Variants in TYW3 observed in about 807,000 individuals in gnomAD.
TYW3 encodes the protein tRNA wybutosine-synthesizing protein 3 homolog.
Under a neutral mutation model 23.1 loss-of-function variants are expected in TYW3, and 26 were observed. That is an observed-to-expected ratio of 1.13 (90% CI 0.83 to 1.56). The LOEUF (loss-of-function observed/expected upper bound fraction) is 1.56, where lower values mean the gene tolerates loss of function less well. Among genes scored for constraint, TYW3 ranks in the 40% most tolerant of loss-of-function variants. TYW3 has a pLI of 0.00. For synonymous variants in TYW3, 102 were observed against 105.7 expected (o/e 0.97, Z 0.21); for missense variants, 316 against 311.9 (o/e 1.01, Z -0.10).
At chr1:74,740,640 CGTTT>C (rs1484407144) in intron 3 of TYW3, among the ~76,000 whole-genome samples, 1 of 152,118 alleles carries the variant, frequency 6.6e-6, no homozygotes. Context: ...CTGATTGGTG[CGTTT>C]ACAATCCTTT....
rs573044759 is a variant in TYW3 at position 74,759,374 on chromosome 1, CT to C, written c.561-4505del. On this transcript the variant is annotated intron_variant, in intron 5 of 5. Transcript: ENST00000370867. ...CATTTTTCTTTCTTTCTTTTCTTTT[CT>C]TTTTTTTTTTTTTTGGTAGAGATGA... Among the ~76,000 whole-genome samples the C allele has an allele frequency of 4.4e-3, 588 of 135,044 alleles. 1 individual carries two copies. The highest frequency in any genetic ancestry group is 7.9e-3 in the African/African-American group (293 of 37,044). 88.6% of individuals were successfully genotyped at this position (135,044 alleles called of 152,430 possible).
intron 1 of TYW3, chr1:74,734,330 G>A (rs1648052881): frequency 6.6e-6 from 1 of 152,034 alleles, no homozygotes; most frequent in South Asian, 2.1e-4. Context: ...TAGCCTTCTG[G>A]GTTATCAGAT....
At position 74,733,417 on chromosome 1, in the gene TYW3, G is replaced by C. The variant is rs1570043099; in HGVS notation, c.173G>C (p.Arg58Pro). The C allele has an allele frequency of 5.0e-6, 8 of 1,614,080 alleles. No individual in the cohort carries two copies. Among genetic ancestry groups the C allele is most frequent in the Admixed American group, 1.7e-5 (1 of 60,018 alleles). ...GCTGGCCGCATCCTACTCCTTGACC[G>C]GGTGAGGCCCCTTTGCGCCTGTCCA... Reference protein sequence around the residue: ...SCAGRILLLDRGINGFEVQKQ... With the variant: ...SCAGRILLLDPGINGFEVQKQ... Residue 58 changes from arginine (R) to proline (P), a missense_variant and splice_region_variant, in exon 1 of 6, where the codon CGG becomes CCG. Arg to Pro is a moderately radical substitution (Grantham distance 103). Transcript: ENST00000370867.
intron 3 of TYW3, among the ~76,000 whole-genome samples, chr1:74,744,994 G>A (rs1454878112): frequency 4.6e-5 from 7 of 152,158 alleles, no homozygotes; most frequent in Non-Finnish European, 7.4e-5. Flanking sequence ...GCTCTTAAAG[G>A]TGGCGCGTCC....
Position 74,748,780 on chromosome 1 carries a change from G to C in TYW3, c.384G>C (p.Arg128Ser). The part of the protein sequence containing the change: ...LHSMAIDSGF[R>S]NSGITVGKRG... ...CCATGGCAATAGATTCTGGTTTCAG[G>C]AACTCTGGCATAACGGTGGGAAAGA... Residue 128 changes from arginine to serine, a missense_variant, in exon 4 of 6, where the codon AGG (arginine) becomes AGC (serine). Physicochemically the swap from Arg to Ser is moderately radical, Grantham distance 110 (BLOSUM62 -1). Transcript: ENST00000370867. 1.2e-6 allele frequency: 2 copies of C among 1,614,082 alleles called. No individual in the cohort carries two copies. The highest frequency in any genetic ancestry group is 2.2e-5 in the South Asian group (2 of 91,080).
Position 74,738,758 on chromosome 1 carries a change from G to A in TYW3, c.324G>A (p.Gln108=). 2.5e-6 allele frequency: 4 copies of A among 1,611,464 alleles called. No homozygotes were observed. Among genetic ancestry groups the A allele is most frequent in the Non-Finnish European group, 3.4e-6 (4 of 1,177,974 alleles). ...TTGAACCATTTGTTCTTCATGTGCA[G>A]TGTCGACAATTGCAGGATGCACAGA... ...LKFEPFVLHV[Q]CRQLQDAQIL... Residue 108 remains glutamine (Q), a synonymous_variant, in exon 3 of 6, where the codon CAG becomes CAA. Transcript: ENST00000370867.
At chr1:74,739,218 T>A in intron 3 of TYW3, among the ~76,000 whole-genome samples, 1 of 152,296 alleles carries the variant, frequency 6.6e-6, no homozygotes, top group East Asian at 1.9e-4. Context: ...TATTTATATA[T>A]AAAACTGAAT....
intron 5 of TYW3, among the ~76,000 whole-genome samples, chr1:74,760,937 A>G (rs944667878): frequency 1.3e-5 from 2 of 152,238 alleles, no homozygotes; most frequent in Non-Finnish European, 2.9e-5. Flanking sequence ...GCTTGGCCTG[A>G]AAACTTATGA....
chr1:74,742,072 A>G (rs4650287), intron 3 of TYW3, among the ~76,000 whole-genome samples: 31,045 of 152,172 alleles, frequency 0.2, 4,427 homozygotes, highest in East Asian at 0.71. Context: ...TTGCAGGGGA[A>G]AGCTTCTATC....
intron 5 of TYW3, among the ~76,000 whole-genome samples, chr1:74,754,440 A>G (rs1253753843): frequency 2.6e-5 from 4 of 152,216 alleles, no homozygotes; most frequent in Admixed American, 1.3e-4. Context: ...GAATTTAGAA[A>G]GTGAGAACAA....
intron 3 of TYW3, among the ~76,000 whole-genome samples, chr1:74,740,605 C>T (rs1018239449): frequency 6.6e-6 from 1 of 152,136 alleles, no homozygotes; most frequent in African/African-American, 2.4e-5. Context: ...ACATAGAGCG[C>T]TGATTGGTGC....
At chr1:74,735,025 C>T (rs943076805) in intron 1 of TYW3, among the ~76,000 whole-genome samples, 2 of 152,158 alleles carry the variant, frequency 1.3e-5, no homozygotes, top group African/African-American at 2.4e-5. Context: ...AGAGCAATGG[C>T]ATTCTTGCCC....
At chr1:74,739,519 C>T (rs1570052793) in intron 3 of TYW3, among the ~76,000 whole-genome samples, 1 of 152,294 alleles carries the variant, frequency 6.6e-6, no homozygotes, top group East Asian at 1.9e-4. Context: ...AAGAGCTAGG[C>T]ATGTAGCTGG....
At chr1:74,758,711 C>T (rs1410362294) in intron 5 of TYW3, among the ~76,000 whole-genome samples, 1 of 150,208 alleles carries the variant, frequency 6.7e-6, no homozygotes, top group African/African-American at 2.5e-5. Context: ...TGATTCTTAT[C>T]ATCATTTACC....
rs1461330303 is a variant in TYW3, at chr1:74,765,362, C to T, written c.*1249C>T. 6.6e-6 allele frequency: 1 copy of T among 152,132 alleles called. No individual in the cohort carries two copies. 9.4% of individuals were successfully genotyped at this position (152,132 alleles called of 1,614,324 possible). A position where few individuals can be genotyped will look rare whatever the true frequency, so the allele number is the denominator to read the frequency against. On this transcript the variant is annotated 3_prime_UTR_variant, in exon 6 of 6. Transcript: ENST00000370867. ...CTTACCATTGGGTCTAAGGCAGTTT[C>T]CAGGAAAGCATGGCAACTCGTTCAG... is the stretch of plus-strand genomic sequence containing the variant.
chr1:74,737,890 T>C (rs957703185), intron 2 of TYW3, among the ~76,000 whole-genome samples: 2 of 152,172 alleles, frequency 1.3e-5, no homozygotes, highest in Admixed American at 6.5e-5. Context: ...TCAGTCCCCA[T>C]GGCTAGCAGA....
intron 5 of TYW3, among the ~76,000 whole-genome samples, chr1:74,753,389 T>C (rs541635345): frequency 1.5e-4 from 23 of 152,322 alleles, no homozygotes; most frequent in South Asian, 2.1e-4. Flanking sequence ...GTGCAAAGGA[T>C]TCCTGTTGCT....
chr1:74,735,332 G>T (rs578024652), intron 1 of TYW3, among the ~76,000 whole-genome samples: 1 of 151,534 alleles, frequency 6.6e-6, no homozygotes, highest in Non-Finnish European at 1.5e-5. Flanking sequence ...GTTTTTTGGC[G>T]GTTTTTTTCC....
At chr1:74,740,629 G>T (rs531296498) in intron 3 of TYW3, among the ~76,000 whole-genome samples, 3 of 152,208 alleles carry the variant, frequency 2.0e-5, no homozygotes, top group African/African-American at 7.2e-5. Context: ...TTTACAGAGT[G>T]CTGATTGGTG....
Sources: gnomAD v4.1 joint callset for allele counts (sites outside exome capture counted in the v4.1 genomes callset) on GRCh38, gnomAD v4.1.1 for gene constraint, MANE v1.5 for transcripts, NCBI Gene and HGNC (gene_info 2026-07-23, HGNC 2026-07-21) for gene names.